Variants in MAMLD1 observed in about 807,000 individuals in gnomAD.
The protein encoded by MAMLD1 is mastermind-like domain-containing protein 1.
A neutral mutation model predicts 45.0 loss-of-function variants in MAMLD1; 14 were observed. The ratio of observed to expected loss-of-function variants is 0.31; its 90% CI spans 0.21 to 0.49. The LOEUF is 0.49. Among genes scored for constraint, MAMLD1 ranks in the 20% least tolerant of loss-of-function variants. The probability of loss-of-function intolerance (pLI) is 0.99; values close to 1 mark genes in which losing one functional copy is unlikely to be tolerated. For synonymous variants in MAMLD1, 254 were observed against 247.8 expected (o/e 1.02, Z -0.24); for missense variants, 543 against 603.6 (o/e 0.90, Z 1.05).
At chrX:150,418,373 T>A (rs2034343072) in intron 1 of MAMLD1, among the ~76,000 whole-genome samples, 2 of 110,222 alleles carry the variant, frequency 1.8e-5, no homozygotes, top group African/African-American at 6.6e-5. Flanking sequence ...ATTTTGTTGA[T>A]CCTTTCAGAA....
At chrX:150,367,484 G>A (rs961646901) in intron 1 of MAMLD1, among the ~76,000 whole-genome samples, 2 of 112,275 alleles carry the variant, frequency 1.8e-5, no homozygotes, top group Non-Finnish European at 1.9e-5. Context: ...GGAATAAACT[G>A]GTCTTAGACA....
intron 7 of MAMLD1, among the ~76,000 whole-genome samples, chrX:150,510,875 G>A (rs1285580370): frequency 8.9e-6 from 1 of 112,004 alleles, no homozygotes; most frequent in Non-Finnish European, 1.9e-5. Context: ...TAACAGCGGA[G>A]TCTGTGTCCC....
chrX:150,394,628 TG>T (rs1330283659), intron 1 of MAMLD1, among the ~76,000 whole-genome samples: 1 of 111,952 alleles, frequency 8.9e-6, no homozygotes. Flanking sequence ...TCAGATTTTT[TG>T]TTTTCCTTAT....
At chrX:150,398,320 GAAGAAGAAGAAGAAGAAGAAGA>G (rs2033571108) in intron 1 of MAMLD1, among the ~76,000 whole-genome samples, 19 of 94,891 alleles carry the variant, frequency 2.0e-4, no homozygotes, top group Non-Finnish European at 2.6e-4. Flanking sequence ...AGAAGAAGAA[GAAGAAGAAGAAGAAGAAGAAGA>G]GGAAGAGGAA....
In MAMLD1 at chrX:150,503,438, G is replaced by A; in HGVS notation, c.2205G>A (p.Glu735=). The A allele has an allele frequency of 8.3e-7, 1 of 1,211,922 alleles. No individual in the cohort carries two copies. The change falls in exon 6 of 8, where the codon GAG becomes GAA. Residue 735 remains glutamate, a synonymous_variant. Coordinates refer to ENST00000370401, the MANE Select transcript of MAMLD1 (RefSeq NM_005491.5). ...ARVTSSYSTS[E]AAPWGSWDPK... Reference sequence around the variant, plus strand: ...TCACCTCCTCGTACAGCACCTCAGAGGCAGCGCCCTGGGGCAGCTGGGATC... The same window carrying A: ...TCACCTCCTCGTACAGCACCTCAGAAGCAGCGCCCTGGGGCAGCTGGGATC...
intron 1 of MAMLD1, among the ~76,000 whole-genome samples, chrX:150,369,901 C>A (rs782315593): frequency 1.8e-5 from 2 of 108,922 alleles, no homozygotes; most frequent in Non-Finnish European, 3.8e-5. Context: ...ATGTAAGAAC[C>A]TGCTGCTGTC....
chrX:150,496,773 GC>G (rs2037391864), intron 5 of MAMLD1, among the ~76,000 whole-genome samples: 1 of 112,006 alleles, frequency 8.9e-6, no homozygotes, highest in Non-Finnish European at 1.9e-5. Context: ...CTGTGAAAAT[GC>G]CCCACAGCCT....
chrX:150,510,065 T>C lies in MAMLD1; in HGVS notation c.*44+19T>C. 1 of 1,124,976 alleles carries C rather than the reference T, an allele frequency of 8.9e-7. No homozygotes were observed. The highest frequency in any genetic ancestry group is 1.2e-6 in the Non-Finnish European group (1 of 818,035). The allele number at this position is 1,124,976 out of a possible 1,213,427, so 92.7% of individuals were successfully genotyped here. ...TTTGAAGGTAAGCAGTTAAGGCCAG[T>C]GTTCCCAAAGGGGTGGGCAAGGGGT... On this transcript the variant is annotated intron_variant, in intron 7 of 7. Transcript: ENST00000370401.
At chrX:150,436,997 T>C (rs1228928986) in intron 1 of MAMLD1, among the ~76,000 whole-genome samples, 9 of 110,718 alleles carry the variant, frequency 8.1e-5, no homozygotes, top group African/African-American at 3.0e-4. Flanking sequence ...GGGGCAAAGC[T>C]CAGCTCAGGA....
Position 150,443,942 on chromosome X carries a change from G to A in MAMLD1, c.-63-1512G>A, listed in dbSNP as rs1199145094. 6.2e-5 allele frequency among the ~76,000 whole-genome samples: 7 copies of A among 112,438 alleles called. No individual in the cohort carries two copies. The East Asian group carries it at 2.0e-3, about 32-fold the overall frequency. Reference sequence around the variant, plus strand: ...TTGATATCTTACTGGTTCTTGGTCTGACAAGTGCTTTGCTACTGAAACTTG... The same window carrying A: ...TTGATATCTTACTGGTTCTTGGTCTAACAAGTGCTTTGCTACTGAAACTTG... On this transcript the variant is annotated intron_variant, in intron 1 of 7. Transcript: ENST00000370401.
chrX:150,438,019 C>G (rs1021069996), intron 1 of MAMLD1, among the ~76,000 whole-genome samples: 5 of 110,605 alleles, frequency 4.5e-5, no homozygotes, highest in African/African-American at 1.6e-4. Flanking sequence ...CAGATTCATC[C>G]AGGCCGTTGC....
rs781904160 is a variant in MAMLD1, at chrX:150,394,129, C to CTTTTTTTTTTTTTTTTTT, written c.-64+30607_-64+30624dup. ...GGGGTGTAAGGTCTATATCTACATC[C>CTTTTTTTTTTTTTTTTTT]TTTTTTTTTTTTTTTTTTTTTTTTT... is the stretch of plus-strand genomic sequence containing the variant. On this transcript the variant is annotated intron_variant, in intron 1 of 7. Transcript: ENST00000370401. Among the ~76,000 whole-genome samples the CTTTTTTTTTTTTTTTTTT allele has an allele frequency of 2.0e-3, 25 of 12,265 alleles. 4 individuals are homozygous for CTTTTTTTTTTTTTTTTTT. Among genetic ancestry groups the CTTTTTTTTTTTTTTTTTT allele is most frequent in the African/African-American group, 5.4e-3 (15 of 2,779 alleles). 10.7% of individuals were successfully genotyped at this position (12,265 alleles called of 115,157 possible).
At chrX:150,467,464 A>G (rs2036258963) in intron 3 of MAMLD1, among the ~76,000 whole-genome samples, 1 of 112,102 alleles carries the variant, frequency 8.9e-6, no homozygotes, top group Non-Finnish European at 1.9e-5. Context: ...TGATGACTGC[A>G]TGGGCCTCAG....
intron 1 of MAMLD1, among the ~76,000 whole-genome samples, chrX:150,418,066 C>T (rs1469440068): frequency 4.5e-5 from 5 of 110,830 alleles, no homozygotes; most frequent in African/African-American, 6.6e-5. Context: ...TCCATCTGGT[C>T]CTGGACTCTT....
Position 150,502,720 on chromosome X carries a change from G to A in MAMLD1, c.2041-554G>A, listed in dbSNP as rs145472161. On this transcript the variant is annotated intron_variant, in intron 5 of 7. Coordinates refer to ENST00000370401, the MANE Select transcript of MAMLD1 (RefSeq NM_005491.5). ...GTTGTTGTGAGATTTACTCGTGACT[G>A]TTTGGTTTTGCACTCACCATTTGGT... Among the ~76,000 whole-genome samples the A allele has an allele frequency of 5.9e-3, 652 of 110,002 alleles. 6 individuals carry two copies. Among genetic ancestry groups the A allele is most frequent in the African/African-American group, 0.02 (613 of 30,101 alleles).
rs1318932371 is a variant in MAMLD1, at chrX:150,460,960, C to G, written c.97-1812C>G. On this transcript the variant is annotated intron_variant, in intron 2 of 7. Coordinates refer to ENST00000370401, the MANE Select transcript of MAMLD1 (RefSeq NM_005491.5). ...AGAAGCCTGCCACTGCCTCAGGGACCTCGCATCTGGAGACTCAGCCAAGAT... is the reference window on the plus strand; with the variant it reads ...AGAAGCCTGCCACTGCCTCAGGGACGTCGCATCTGGAGACTCAGCCAAGAT... Among the ~76,000 whole-genome samples, 6 of 112,542 alleles carry G rather than the reference C, an allele frequency of 5.3e-5. No individual in the cohort carries two copies. The Admixed American group carries it at 5.6e-4, about 11-fold the overall frequency.
chrX:150,384,500 TA>T (rs1446727364), intron 1 of MAMLD1, among the ~76,000 whole-genome samples: 1 of 112,225 alleles, frequency 8.9e-6, no homozygotes, highest in African/African-American at 3.2e-5. Context: ...ATTGTTTATA[TA>T]TTCTGAATTC....
chrX:150,490,016 A>G lies in MAMLD1; in HGVS notation c.2041-13258A>G, dbSNP rs1401544390. ...ACCTACTGGAGGAGTCCTGCTCCTC[A>G]CAGAAATGGGCCTGCATTACTATGC... On this transcript the variant is annotated intron_variant, in intron 5 of 7. Coordinates refer to ENST00000370401, the MANE Select transcript of MAMLD1 (RefSeq NM_005491.5). Among the ~76,000 whole-genome samples the G allele has an allele frequency of 2.0e-4, 22 of 112,128 alleles. No individual in the cohort carries two copies. In the Admixed American group the frequency reaches 2.0e-3, roughly 10 times the overall value.
chrX:150,464,151 G>T (rs782681307), intron 3 of MAMLD1, among the ~76,000 whole-genome samples: 2 of 111,549 alleles, frequency 1.8e-5, no homozygotes, highest in African/African-American at 6.5e-5. Context: ...CACAACAAAC[G>T]GAGGAGCTAG....
Sources: gnomAD v4.1 joint callset for allele counts (sites outside exome capture counted in the v4.1 genomes callset) on GRCh38, gnomAD v4.1.1 for gene constraint, MANE v1.5 for transcripts, NCBI Gene and HGNC (gene_info 2026-07-23, HGNC 2026-07-21) for gene names.